Variants in PTPRG observed in about 807,000 individuals in gnomAD.
PTPRG encodes receptor-type tyrosine-protein phosphatase gamma.
Under a neutral mutation model 165.3 loss-of-function variants are expected in PTPRG, and 102 were observed. That is an observed-to-expected ratio of 0.62 (90% CI 0.53 to 0.73). PTPRG has a LOEUF of 0.73. Ranked by LOEUF, PTPRG falls within the 30% of genes least tolerant of loss-of-function variation. PTPRG has a pLI of 0.00. For missense variants in PTPRG, 1,866 were observed against 1,861.4 expected (o/e 1.00, Z -0.05); for synonymous variants, 675 against 669.5 (o/e 1.01, Z -0.13).
intron 2 of PTPRG, among the ~76,000 whole-genome samples, chr3:61,838,044 T>C (rs1055037031): frequency 1.3e-5 from 2 of 152,140 alleles, no homozygotes; most frequent in Non-Finnish European, 2.9e-5. Context: ...TACAGCCCTG[T>C]GAGGGCTTCA....
chr3:61,980,097 C>G (rs1304783655), intron 2 of PTPRG, among the ~76,000 whole-genome samples: 3 of 152,022 alleles, frequency 2.0e-5, no homozygotes, highest in African/African-American at 7.2e-5. Context: ...TAAACAAAAC[C>G]TTGTGGAGCA....
intron 2 of PTPRG, among the ~76,000 whole-genome samples, chr3:61,887,170 A>ATATATATATATATATATTTTTT (rs60282456): frequency 8.7e-6 from 1 of 115,524 alleles, no homozygotes; most frequent in African/African-American, 3.3e-5. Context: ...ATATATATAT[A>ATATATATATATATATATTTTTT]TTTTTAATGC....
chr3:61,934,410 C>T (rs2039435977), intron 2 of PTPRG, among the ~76,000 whole-genome samples: 1 of 151,750 alleles, frequency 6.6e-6, no homozygotes, highest in South Asian at 2.1e-4. Flanking sequence ...ATTTGCAATC[C>T]TGTTTTTCTG....
chr3:61,746,736 A>G (rs2033221437), intron 1 of PTPRG, among the ~76,000 whole-genome samples: 1 of 152,178 alleles, frequency 6.6e-6, no homozygotes, highest in South Asian at 2.1e-4. Context: ...GCTCACTCCT[A>G]GAGCTAACAT....
intron 1 of PTPRG, among the ~76,000 whole-genome samples, chr3:61,626,358 T>C (rs1701610289): frequency 6.6e-6 from 1 of 152,194 alleles, no homozygotes; most frequent in Admixed American, 6.5e-5. Context: ...AAATCTGTAT[T>C]TGCCTGCTGG....
At chr3:61,982,528 A>G (rs1024803299) in intron 2 of PTPRG, among the ~76,000 whole-genome samples, 3 of 152,182 alleles carry the variant, frequency 2.0e-5, no homozygotes, top group Non-Finnish European at 4.4e-5. Context: ...TGTGGATGGC[A>G]TGCATATTCA....
intron 4 of PTPRG, among the ~76,000 whole-genome samples, chr3:62,014,175 G>C (rs1013597242): frequency 3.3e-5 from 5 of 152,158 alleles, no homozygotes; most frequent in African/African-American, 1.2e-4. Flanking sequence ...AAGTTTGAAA[G>C]AAAGTCTATT....
At chr3:61,949,092 G>T (rs2039834657) in intron 2 of PTPRG, among the ~76,000 whole-genome samples, 1 of 149,402 alleles carries the variant, frequency 6.7e-6, no homozygotes, top group South Asian at 2.1e-4. Context: ...GCTTTTAATG[G>T]GAATGCTCAG....
chr3:61,895,970 T>C (rs2038345009), intron 2 of PTPRG, among the ~76,000 whole-genome samples: 1 of 152,222 alleles, frequency 6.6e-6, no homozygotes, highest in South Asian at 2.1e-4. Flanking sequence ...GGTAGCATTC[T>C]GGTAAAACTA....
chr3:62,168,949 G>T (rs1201748678), intron 8 of PTPRG, among the ~76,000 whole-genome samples: 1 of 152,100 alleles, frequency 6.6e-6, no homozygotes, highest in East Asian at 1.9e-4. Context: ...CAAGTGAGAA[G>T]ATGATGGAGT....
rs188596004 is a variant in PTPRG, at chr3:61,637,787, T to C, written c.85+75415T>C. ...CCAGAAACAGAGATATCAGTCACATTTAAACTCTGCTGCCCAGGAAACTCC... is the reference window on the plus strand; with the variant it reads ...CCAGAAACAGAGATATCAGTCACATCTAAACTCTGCTGCCCAGGAAACTCC... On this transcript the variant is annotated intron_variant, in intron 1 of 29. Transcript: ENST00000474889. Among the ~76,000 whole-genome samples, 140 of 152,296 alleles carry C rather than the reference T, an allele frequency of 9.2e-4. 1 individual carries two copies. Among genetic ancestry groups the C allele is most frequent in the Non-Finnish European group, 1.4e-3 (95 of 68,016 alleles).
chr3:62,142,793 TGG>T (rs1703978650), intron 6 of PTPRG, among the ~76,000 whole-genome samples: 1 of 152,162 alleles, frequency 6.6e-6, no homozygotes, highest in South Asian at 2.1e-4. Flanking sequence ...ACAAAGGGGA[TGG>T]GTTGTCAAGT....
In PTPRG at chr3:62,217,152, A is replaced by C. The variant is rs765396535; in HGVS notation, c.2156-1699A>C. On this transcript the variant is annotated intron_variant, in intron 12 of 29. Transcript: ENST00000474889. The surrounding 1 kb of genome is among the most constrained non-coding windows in gnomAD (Gnocchi z 4.3). ...TGTGCACAGTAGGGGCTTGGTAAGAATCTCTCCTATCTAATGAAAAAATGG... is the reference window on the plus strand; with the variant it reads ...TGTGCACAGTAGGGGCTTGGTAAGACTCTCTCCTATCTAATGAAAAAATGG... Among the ~76,000 whole-genome samples, 7 of 152,178 alleles carry C rather than the reference A, an allele frequency of 4.6e-5. No individual in the cohort carries two copies. Among genetic ancestry groups the C allele is most frequent in the Non-Finnish European group, 8.8e-5 (6 of 68,036 alleles).
chr3:61,829,829 C>G (rs2036221911), intron 2 of PTPRG, among the ~76,000 whole-genome samples: 1 of 151,962 alleles, frequency 6.6e-6, no homozygotes, highest in African/African-American at 2.4e-5. Flanking sequence ...GTAACATGGT[C>G]CTGAACTTGG....
At chr3:61,802,503 T>G (rs183522995) in intron 2 of PTPRG, among the ~76,000 whole-genome samples, 1 of 152,236 alleles carries the variant, frequency 6.6e-6, no homozygotes, top group Non-Finnish European at 1.5e-5. Context: ...CAAACAGTTA[T>G]GCCGGTTTCT....
At chr3:61,639,263 G>A (rs916572146) in intron 1 of PTPRG, among the ~76,000 whole-genome samples, 4 of 152,090 alleles carry the variant, frequency 2.6e-5, no homozygotes, top group African/African-American at 9.7e-5. Context: ...TTCCATTGGT[G>A]TATGTGTTGG....
intron 1 of PTPRG, among the ~76,000 whole-genome samples, chr3:61,624,423 G>A (rs1701549136): frequency 6.6e-6 from 1 of 152,178 alleles, no homozygotes; most frequent in Non-Finnish European, 1.5e-5. Flanking sequence ...ACTGGAAGGT[G>A]AGAAGAAGTA....
intron 4 of PTPRG, among the ~76,000 whole-genome samples, chr3:62,022,726 T>C (rs2041726671): frequency 6.6e-6 from 1 of 152,152 alleles, no homozygotes; most frequent in Admixed American, 6.6e-5. Flanking sequence ...TTATATACCT[T>C]TTGGGTCTAA....
intron 2 of PTPRG, among the ~76,000 whole-genome samples, chr3:61,821,258 C>T (rs945282851): frequency 2.0e-5 from 3 of 152,054 alleles, no homozygotes; most frequent in Non-Finnish European, 2.9e-5. Context: ...CAAGCTCCGC[C>T]GCCTGGGTTC....
Sources: gnomAD v4.1 joint callset for allele counts (sites outside exome capture counted in the v4.1 genomes callset) on GRCh38, gnomAD v4.1.1 for gene constraint, Gnocchi (gnomAD v3.1) non-coding constraint, MANE v1.5 for transcripts, NCBI Gene and HGNC (gene_info 2026-07-23, HGNC 2026-07-21) for gene names.